The following SHISA9 variants were observed in gnomAD, a reference collection of about 807,000 sequenced individuals.
SHISA9 encodes shisa family member 9.
SHISA9 carries 13 observed loss-of-function variants against 38.0 expected under a neutral mutation model. The ratio of observed to expected loss-of-function variants is 0.34; its 90% CI spans 0.22 to 0.54. The LOEUF is 0.54. Ranked by LOEUF, SHISA9 falls within the 20% of genes least tolerant of loss-of-function variation. The pLI is 0.91. For synonymous variants in SHISA9, 275 were observed against 242.0 expected, an observed-to-expected ratio of 1.14 and a Z score of -1.27; for missense variants, 538 against 575.8, an observed-to-expected ratio of 0.93 and a Z score of 0.67.
chr16:13,245,652 A>C, the SHISA9 span, among the ~76,000 whole-genome samples: 1 of 152,178 alleles, frequency 6.6e-6, no homozygotes, highest in African/African-American at 2.4e-5. Flanking sequence ...AAATTGCACA[A>C]AGTAACCCAG....
intron 2 of SHISA9, among the ~76,000 whole-genome samples, chr16:12,942,499 T>C (rs911544549): frequency 2.0e-5 from 3 of 152,218 alleles, no homozygotes; most frequent in Non-Finnish European, 4.4e-5. Flanking sequence ...AACAGCAGCC[T>C]TATACATCCC....
At chr16:13,463,304 G>C in the SHISA9 span, among the ~76,000 whole-genome samples, 82,003 of 152,096 alleles carry the variant, frequency 0.54, 22,629 homozygotes, top group South Asian at 0.77. Context: ...TGGGAACTAA[G>C]TAGCAGGTGT....
chr16:13,253,017 A>G, the SHISA9 span, among the ~76,000 whole-genome samples: 4 of 152,344 alleles, frequency 2.6e-5, no homozygotes, highest in Admixed American at 2.0e-4. Flanking sequence ...ATGAGGATGA[A>G]GACCTTCATG....
At chr16:13,126,131 G>T (rs2050254252) in intron 2 of SHISA9, among the ~76,000 whole-genome samples, 1 of 152,214 alleles carries the variant, frequency 6.6e-6, no homozygotes, top group Non-Finnish European at 1.5e-5. Flanking sequence ...GTGGTATATG[G>T]AGGCTCACAA....
chr16:13,060,715 G>C (rs1176674775), intron 2 of SHISA9, among the ~76,000 whole-genome samples: 1 of 150,810 alleles, frequency 6.6e-6, no homozygotes, highest in Non-Finnish European at 1.5e-5. Context: ...TTCAAACACA[G>C]AGAGACAACA....
At chr16:13,447,658 T>C in the SHISA9 span, among the ~76,000 whole-genome samples, 1 of 152,182 alleles carries the variant, frequency 6.6e-6, no homozygotes, top group Admixed American at 6.5e-5. Context: ...ACATGCATTA[T>C]AATCAGCAAA....
chr16:13,398,490 G>T, the SHISA9 span, among the ~76,000 whole-genome samples: 1 of 143,248 alleles, frequency 7.0e-6, no homozygotes, highest in African/African-American at 2.6e-5. Context: ...CTACCAATGT[G>T]GTTTATTCAC....
intron 4 of SHISA9, among the ~76,000 whole-genome samples, chr16:13,214,154 T>C (rs1172051496): frequency 6.6e-6 from 1 of 152,178 alleles, no homozygotes; most frequent in African/African-American, 2.4e-5. Flanking sequence ...TTGTTGGACT[T>C]GGTGGAGAAG....
At chr16:12,994,877 C>A (rs922689612) in intron 2 of SHISA9, among the ~76,000 whole-genome samples, 1 of 152,072 alleles carries the variant, frequency 6.6e-6, no homozygotes, top group African/African-American at 2.4e-5. Context: ...CAGTTTTAGT[C>A]TTGTCAATCT....
chr16:13,103,067 C>A (rs943417648), intron 2 of SHISA9, among the ~76,000 whole-genome samples: 2 of 152,154 alleles, frequency 1.3e-5, no homozygotes, highest in Admixed American at 1.3e-4. Context: ...CTCTCAACAG[C>A]CTGAGAGTAG....
the SHISA9 span, among the ~76,000 whole-genome samples, chr16:13,328,629 CACACACAT>C: frequency 0.027 from 2,687 of 100,874 alleles, 86 homozygotes; most frequent in African/African-American, 0.081. Flanking sequence ...CACACACACA[CACACACAT>C]ATATATTGTA....
chr16:13,182,947 T>G (rs963244982), intron 2 of SHISA9, among the ~76,000 whole-genome samples: 1 of 152,242 alleles, frequency 6.6e-6, no homozygotes, highest in Admixed American at 6.5e-5. Context: ...CTGAAGTTGC[T>G]TCTCTTACAT....
At chr16:13,030,919 G>A (rs997737970) in intron 2 of SHISA9, among the ~76,000 whole-genome samples, 1 of 152,198 alleles carries the variant, frequency 6.6e-6, no homozygotes, top group Admixed American at 6.5e-5. Flanking sequence ...TTGAGTGATT[G>A]ATTATCCTGG....
intron 2 of SHISA9, among the ~76,000 whole-genome samples, chr16:13,007,045 A>G (rs1303747776): frequency 6.6e-6 from 1 of 152,212 alleles, no homozygotes; most frequent in Admixed American, 6.5e-5. Flanking sequence ...TTGTTAAATG[A>G]ATAATTCCAT....
At chr16:13,288,630 C>G in the SHISA9 span, among the ~76,000 whole-genome samples, 8 of 152,042 alleles carry the variant, frequency 5.3e-5, no homozygotes, top group African/African-American at 1.9e-4. Flanking sequence ...GCTGTCTCTA[C>G]TAAAAATAGA....
chr16:13,017,464 T>G lies in SHISA9; in HGVS notation c.691+100649T>G, dbSNP rs546591003. On this transcript the variant is annotated intron_variant, in intron 2 of 4. Coordinates refer to ENST00000558583, the MANE Select transcript of SHISA9 (RefSeq NM_001145204.3). ...TTGAAACTCAAAATTGTTAAGCAAT[T>G]TGCTGAAAGTCTCATAGCTACTGGC... Among the ~76,000 whole-genome samples, 17 of 152,354 alleles carry G rather than the reference T, an allele frequency of 1.1e-4. 1 individual carries two copies. The South Asian group carries it at 3.5e-3, about 32-fold the overall frequency.
intron 2 of SHISA9, among the ~76,000 whole-genome samples, chr16:13,021,572 C>T (rs1270788949): frequency 6.6e-6 from 1 of 152,158 alleles, no homozygotes; most frequent in Non-Finnish European, 1.5e-5. Flanking sequence ...AGATGAACAA[C>T]ATCTCTTTCA....
Position 13,038,982 on chromosome 16 carries a change from C to T in SHISA9, c.691+122167C>T, listed in dbSNP as rs149163195. On this transcript the variant is annotated intron_variant, in intron 2 of 4. Transcript: ENST00000558583. ...GGAGTGCAGTGGTGAAATCTCTGCT[C>T]ACTGCAGCCTCCACCTCCTGGATTC... Among the ~76,000 whole-genome samples, 721 of 152,274 alleles carry T rather than the reference C, an allele frequency of 4.7e-3. 5 individuals carry two copies. Among genetic ancestry groups the T allele is most frequent in the Middle Eastern group, 0.017 (5 of 294 alleles).
the SHISA9 span, among the ~76,000 whole-genome samples, chr16:13,482,383 C>A: frequency 6.6e-6 from 1 of 152,248 alleles, no homozygotes; most frequent in Non-Finnish European, 1.5e-5. Flanking sequence ...TCTGTTATTA[C>A]CCCAGCGGTA....
Sources: allele counts gnomAD v4.1 joint callset (sites outside exome capture counted in the v4.1 genomes callset), GRCh38; gene constraint gnomAD v4.1.1; transcripts MANE v1.5; gene names NCBI Gene and HGNC (gene_info 2026-07-23, HGNC 2026-07-21).